Variants in ZNF441 observed in about 807,000 individuals in gnomAD.
The protein encoded by ZNF441 is zinc finger protein 441.
A neutral mutation model predicts 64.5 loss-of-function variants in ZNF441; 25 were observed. The observed-to-expected ratio is 0.39, with a 90% confidence interval of 0.28 to 0.54. The LOEUF (loss-of-function observed/expected upper bound fraction) is 0.54. ZNF441 is among the 20% of genes least tolerant of loss of function. The pLI, the probability that ZNF441 is intolerant of heterozygous loss-of-function variation, is 0.70. For synonymous variants in ZNF441, 262 were observed against 268.0 expected (o/e 0.98, Z 0.22); for missense variants, 715 against 843.3 (o/e 0.85, Z 1.88).
chr19:11,773,152 T>C (rs951521984), intron 1 of ZNF441, among the ~76,000 whole-genome samples: 1 of 152,086 alleles, frequency 6.6e-6, no homozygotes, highest in African/African-American at 2.4e-5. Flanking sequence ...TGATATACTC[T>C]TTTTTTATCA....
At chr19:11,770,094 C>G (rs115743471) in intron 1 of ZNF441, among the ~76,000 whole-genome samples, 2,147 of 152,194 alleles carry the variant, frequency 0.014, 47 homozygotes, top group African/African-American at 0.05. Context: ...CATTTTCACA[C>G]TGCTATAAAG....
intron 1 of ZNF441, among the ~76,000 whole-genome samples, chr19:11,777,317 G>A (rs745686993): frequency 1.3e-5 from 2 of 152,122 alleles, no homozygotes. Flanking sequence ...GACAAGAACT[G>A]CAGACCCACT....
chr19:11,767,089 G>T lies in ZNF441; in HGVS notation c.-105G>T. 6.5e-7 allele frequency: 1 copy of T among 1,532,922 alleles called. No individual in the cohort carries two copies. The highest frequency in any genetic ancestry group is 8.8e-7 in the Non-Finnish European group (1 of 1,131,206). 95.0% of individuals were successfully genotyped at this position (1,532,922 alleles called of 1,614,324 possible). On this transcript the variant is annotated 5_prime_UTR_variant, in exon 1 of 4. Coordinates refer to ENST00000357901, the MANE Select transcript of ZNF441 (RefSeq NM_152355.3). This position sits in a 1 kb window ranked among gnomAD's most constrained non-coding sequence, Gnocchi z 5.1. ...GCCCCTGCACTGGGCTCCGGGTTCT[G>T]TCACTGAGAGACGCCCTGGAACGTC...
Position 11,781,100 on chromosome 19 carries a change from A to G in ZNF441, c.1276A>G (p.Lys426Glu). 3 of 1,614,122 alleles carry G rather than the reference A, an allele frequency of 1.9e-6. No individual in the cohort carries two copies. Among genetic ancestry groups the G allele is most frequent in the Non-Finnish European group, 1.7e-6 (2 of 1,180,024 alleles). ...GCCATATAAATGTAAACAATGTGGA[A>G]AAGCCTTCATTTGTTGCACTTACCT... ...EKPYKCKQCG[K>E]AFICCTYLQI... The change falls in exon 4 of 4, where the codon AAA becomes GAA. Residue 426 changes from lysine to glutamate, a missense_variant. By Grantham distance (56) the Lys-to-Glu change is moderately conservative. Around this residue, in one of 2 missense-constraint regions of ZNF441, gnomAD observed 316 missense variants for 429.3 expected, o/e 0.74. Transcript: ENST00000357901.
chr19:11,772,959 T>C (rs1178279706), intron 1 of ZNF441, among the ~76,000 whole-genome samples: 2 of 152,092 alleles, frequency 1.3e-5, no homozygotes. Flanking sequence ...GCCCGACTAA[T>C]TTTTTGTATT....
chr19:11,780,757 G>C lies in ZNF441; in HGVS notation c.933G>C (p.Lys311Asn). Residue 311 changes from lysine (K) to asparagine (N), a missense_variant, in exon 4 of 4, where the codon AAG (lysine) becomes AAC (asparagine). By Grantham distance (94) the Lys-to-Asn change is moderately conservative. This residue lies in a region of ZNF441 where 399 missense variants were observed against 413.9 expected (regional missense o/e 0.96). Coordinates refer to ENST00000357901, the MANE Select transcript of ZNF441 (RefSeq NM_152355.3). Reference protein sequence around the residue: ...VHTGDGPHKCKICGKGFLSPS... With the variant: ...VHTGDGPHKCNICGKGFLSPS... ...CTGGAGATGGGCCTCATAAATGTAA[G>C]ATATGTGGAAAAGGCTTTCTTTCTC... 6.2e-7 allele frequency: 1 copy of C among 1,614,138 alleles called. No individual in the cohort carries two copies. The highest frequency in any genetic ancestry group is 8.5e-7 in the Non-Finnish European group (1 of 1,180,020).
intron 1 of ZNF441, among the ~76,000 whole-genome samples, chr19:11,771,754 C>G (rs1162515919): frequency 2.6e-5 from 4 of 152,226 alleles, no homozygotes; most frequent in Admixed American, 2.0e-4. Context: ...ACGCCCGTTG[C>G]CAGGCGGTCC....
chr19:11,782,358 C>T lies in ZNF441; in HGVS notation c.*452C>T, dbSNP rs2145085952. The T allele has an allele frequency of 6.5e-6, 1 of 153,352 alleles. No individual in the cohort carries two copies. Among genetic ancestry groups the T allele is most frequent in the African/African-American group, 2.4e-5 (1 of 41,588 alleles). The allele number at this position is 153,352 out of a possible 1,614,324, so 9.5% of individuals were successfully genotyped here. On this transcript the variant is annotated 3_prime_UTR_variant, in exon 4 of 4. Transcript: ENST00000357901. Reference sequence around the variant, plus strand: ...ATTGATTCCAGCACCCTCAGGAATACCTATATTCAGAGATATTCAAGTCCC... The same window carrying T: ...ATTGATTCCAGCACCCTCAGGAATATCTATATTCAGAGATATTCAAGTCCC...
chr19:11,767,290 C>T lies in ZNF441; in HGVS notation c.3+94C>T. ...TGTGGTGGCACCAGGTCTTCCCCGCCGGCGACACCCTGGCGCAGCTCGGCC... is the reference window on the plus strand; with the variant it reads ...TGTGGTGGCACCAGGTCTTCCCCGCTGGCGACACCCTGGCGCAGCTCGGCC... On this transcript the variant is annotated intron_variant, in intron 1 of 3. Transcript: ENST00000357901. This position sits in a 1 kb window ranked among gnomAD's most constrained non-coding sequence, Gnocchi z 5.1. The T allele has an allele frequency of 2.0e-6, 3 of 1,531,342 alleles. No individual in the cohort carries two copies. Among genetic ancestry groups the T allele is most frequent in the Non-Finnish European group, 2.7e-6 (3 of 1,130,166 alleles). The allele number at this position is 1,531,342 out of a possible 1,614,324, so 94.9% of individuals were successfully genotyped here. A position where few individuals can be genotyped will look rare whatever the true frequency, so the allele number is the denominator to read the frequency against.
At chr19:11,772,940 T>C (rs400503) in intron 1 of ZNF441, among the ~76,000 whole-genome samples, 73,748 of 151,928 alleles carry the variant, frequency 0.49, 19,235 homozygotes, top group African/African-American at 0.7. Flanking sequence ...TACAGGCGCC[T>C]GCCACCACGC....
Position 11,777,685 on chromosome 19 carries a change from G to T in ZNF441, c.78G>T (p.Lys26Asn). Reference protein sequence around the residue: ...EEWALLGPSQKSLYRDVMQET... With the variant: ...EEWALLGPSQNSLYRDVMQET... Reference sequence around the variant, plus strand: ...GGGCTTTGCTGGGTCCATCACAGAAGAGTCTCTACAGAGATGTGATGCAGG... The same window carrying T: ...GGGCTTTGCTGGGTCCATCACAGAATAGTCTCTACAGAGATGTGATGCAGG... The change falls in exon 2 of 4, where the codon AAG becomes AAT. Residue 26 changes from lysine to asparagine, a missense_variant. This residue lies in a region of ZNF441 where 399 missense variants were observed against 413.9 expected (regional missense o/e 0.96). Coordinates refer to ENST00000357901, the MANE Select transcript of ZNF441 (RefSeq NM_152355.3). 6.2e-7 allele frequency: 1 copy of T among 1,613,834 alleles called. No homozygotes were observed. The highest frequency in any genetic ancestry group is 8.5e-7 in the Non-Finnish European group (1 of 1,179,836).
At chr19:11,776,615 T>G (rs1975356685) in intron 1 of ZNF441, among the ~76,000 whole-genome samples, 1 of 152,216 alleles carries the variant, frequency 6.6e-6, no homozygotes, top group Admixed American at 6.5e-5. Flanking sequence ...TGACATTACT[T>G]AATAAAGTTT....
chr19:11,769,228 T>C (rs1478449615), intron 1 of ZNF441, among the ~76,000 whole-genome samples: 1 of 152,106 alleles, frequency 6.6e-6, no homozygotes, highest in Non-Finnish European at 1.5e-5. Context: ...ACAAACTGAG[T>C]AAAAATTAAT....
intron 1 of ZNF441, among the ~76,000 whole-genome samples, chr19:11,773,783 G>A (rs572751948): frequency 8.6e-4 from 131 of 151,968 alleles, no homozygotes; most frequent in African/African-American, 2.9e-3. Context: ...TTTTGATTAG[G>A]GCTAGAATTG....
rs776408535 is a variant in ZNF441 at position 11,783,754 on chromosome 19, C to T, written c.*1848C>T. 4.6e-5 allele frequency: 7 copies of T among 151,888 alleles called. No homozygotes were observed. Among genetic ancestry groups the T allele is most frequent in the Non-Finnish European group, 1.0e-4 (7 of 67,974 alleles). 9.4% of individuals were successfully genotyped at this position (151,888 alleles called of 1,614,324 possible). On this transcript the variant is annotated 3_prime_UTR_variant, in exon 4 of 4. Coordinates refer to ENST00000357901, the MANE Select transcript of ZNF441 (RefSeq NM_152355.3). Reference sequence around the variant, plus strand: ...GAGATAGGGAATAGAATAAGTTATCCGGGGCTGAGAAGGGGAAATGAAGAG... The same window carrying T: ...GAGATAGGGAATAGAATAAGTTATCTGGGGCTGAGAAGGGGAAATGAAGAG...
chr19:11,780,543 T>A lies in ZNF441; in HGVS notation c.719T>A (p.Leu240Gln). The A allele has an allele frequency of 1.2e-6, 2 of 1,614,148 alleles. No homozygotes were observed. Among genetic ancestry groups the A allele is most frequent in the Non-Finnish European group, 1.7e-6 (2 of 1,180,018 alleles). The change falls in exon 4 of 4, where the codon CTA becomes CAA. Residue 240 changes from leucine (L) to glutamine (Q), a missense_variant. Physicochemically the swap from Leu to Gln is moderately radical, Grantham distance 113. Around this residue, in one of 2 missense-constraint regions of ZNF441, gnomAD observed 399 missense variants for 413.9 expected, o/e 0.96. Transcript: ENST00000357901. ...STAFPAYSST[L>Q]RHERTHSGEK... Reference sequence around the variant, plus strand: ...GCGTTTCCTGCTTATAGTTCCACTCTAAGACATGAAAGAACACACAGTGGA... The same window carrying A: ...GCGTTTCCTGCTTATAGTTCCACTCAAAGACATGAAAGAACACACAGTGGA...
At chr19:11,776,078 G>A (rs891522760) in intron 1 of ZNF441, among the ~76,000 whole-genome samples, 3 of 152,202 alleles carry the variant, frequency 2.0e-5, no homozygotes, top group African/African-American at 7.2e-5. Flanking sequence ...TTCCTGCCAA[G>A]CTTGACCTAA....
At chr19:11,778,281 C>G in intron 2 of ZNF441, 49 bp from the exon 3 acceptor site, 1 of 1,277,128 alleles carries the variant, frequency 7.8e-7, no homozygotes, top group Non-Finnish European at 1.1e-6. Flanking sequence ...TACAGTCTTT[C>G]TATAATTTTA....
At position 11,767,077 on chromosome 19, in the gene ZNF441, G is replaced by C. The variant is rs1177178914; in HGVS notation, c.-117G>C. ...AGTCTTCTCCACGCCCCTGCACTGG[G>C]CTCCGGGTTCTGTCACTGAGAGACG... On this transcript the variant is annotated 5_prime_UTR_variant, in exon 1 of 4. Coordinates refer to ENST00000357901, the MANE Select transcript of ZNF441 (RefSeq NM_152355.3). This position sits in a 1 kb window ranked among gnomAD's most constrained non-coding sequence, Gnocchi z 5.1. The C allele has an allele frequency of 6.7e-7, 1 of 1,493,592 alleles. No homozygotes were observed. The highest frequency in any genetic ancestry group is 1.4e-5 in the African/African-American group (1 of 71,760). The allele number at this position is 1,493,592 out of a possible 1,614,324, so 92.5% of individuals were successfully genotyped here. A position where few individuals can be genotyped will look rare whatever the true frequency, so the allele number is the denominator to read the frequency against.
Sources: allele counts gnomAD v4.1 joint callset (sites outside exome capture counted in the v4.1 genomes callset), GRCh38; gene constraint gnomAD v4.1.1; regional missense constraint gnomAD v4.1.1; non-coding constraint Gnocchi (gnomAD v3.1); transcripts MANE v1.5; gene names NCBI Gene and HGNC (gene_info 2026-07-23, HGNC 2026-07-21).